The following SP4 variants were observed in gnomAD, a reference collection of about 807,000 sequenced individuals.
SP4 encodes Sp4 transcription factor, also known as transcription factor Sp4.
A neutral mutation model predicts 72.8 loss-of-function variants in SP4; 19 were observed. The ratio of observed to expected loss-of-function variants is 0.26; its 90% CI spans 0.18 to 0.38. The LOEUF is 0.38. SP4 is among the 10% of genes least tolerant of loss of function. SP4 has a pLI of 1.00. For missense variants in SP4, 1,008 were observed against 926.3 expected, an observed-to-expected ratio of 1.09 and a Z score of -1.14; for synonymous variants, 395 against 333.1, an observed-to-expected ratio of 1.19 and a Z score of -2.02.
chr7:21,436,444 T>C (rs1281933191), intron 3 of SP4, among the ~76,000 whole-genome samples: 1 of 152,202 alleles, frequency 6.6e-6, no homozygotes, highest in African/African-American at 2.4e-5. Context: ...TTGGAGATTA[T>C]GGCTCAGCAG....
chr7:21,461,623 C>T (rs1255683085), intron 3 of SP4, among the ~76,000 whole-genome samples: 1 of 152,170 alleles, frequency 6.6e-6, no homozygotes, highest in Non-Finnish European at 1.5e-5. Context: ...ACCCGTGCCT[C>T]TCCCTCCACA....
intron 5 of SP4, among the ~76,000 whole-genome samples, chr7:21,506,947 A>G (rs967301531): frequency 2.0e-5 from 3 of 152,164 alleles, no homozygotes; most frequent in Non-Finnish European, 2.9e-5. Context: ...CCCTGGGATC[A>G]TTATTATCCC....
intron 5 of SP4, among the ~76,000 whole-genome samples, chr7:21,508,416 C>T (rs1782061237): frequency 6.6e-6 from 1 of 152,120 alleles, no homozygotes; most frequent in Non-Finnish European, 1.5e-5. Flanking sequence ...ACCTCCACCC[C>T]GCCTGGTTCA....
intron 3 of SP4, among the ~76,000 whole-genome samples, chr7:21,475,542 T>C (rs1784475572): frequency 6.6e-6 from 1 of 152,134 alleles, no homozygotes; most frequent in African/African-American, 2.4e-5. Context: ...CTGCAAGCTC[T>C]GCCTCCCAGG....
rs6966442 is a variant in SP4 at position 21,506,072 on chromosome 7, G to A, written c.2108-4950G>A. 7.6e-3 allele frequency among the ~76,000 whole-genome samples: 1,152 copies of A among 152,004 alleles called. 6 individuals carry two copies. Among genetic ancestry groups the A allele is most frequent in the Non-Finnish European group, 0.013 (857 of 67,984 alleles). On this transcript the variant is annotated intron_variant, in intron 5 of 5. Coordinates refer to ENST00000222584, the MANE Select transcript of SP4 (RefSeq NM_003112.5). Reference sequence around the variant, plus strand: ...AAACCCAATCTCACAATCAGGTCTCGACACAGGAGGTTAGTTCCTACTTCA... The same window carrying A: ...AAACCCAATCTCACAATCAGGTCTCAACACAGGAGGTTAGTTCCTACTTCA...
At chr7:21,493,948 A>G (rs998084575) in intron 5 of SP4, among the ~76,000 whole-genome samples, 2 of 152,228 alleles carry the variant, frequency 1.3e-5, no homozygotes, top group African/African-American at 2.4e-5. Flanking sequence ...AGGATAATGC[A>G]TTGTTACGTA....
At chr7:21,488,752 A>G (rs1784891800) in intron 5 of SP4, among the ~76,000 whole-genome samples, 1 of 151,780 alleles carries the variant, frequency 6.6e-6, no homozygotes, top group African/African-American at 2.4e-5. Flanking sequence ...GCAATATAAC[A>G]AGACCCCGTC....
intron 5 of SP4, among the ~76,000 whole-genome samples, chr7:21,499,667 C>T (rs1310162727): frequency 6.6e-6 from 1 of 152,158 alleles, no homozygotes; most frequent in East Asian, 1.9e-4. Flanking sequence ...TTAAGCCACC[C>T]AGTTTGTGGT....
chr7:21,487,741 TTGATGA>T (rs201213112), intron 5 of SP4, among the ~76,000 whole-genome samples: 24 of 140,082 alleles, frequency 1.7e-4, no homozygotes, highest in African/African-American at 3.7e-4. Context: ...TTTGTTCAAG[TTGATGA>T]TGATGATGAT....
rs1583369411 is a variant in SP4, at chr7:21,430,718, C to T, written c.1553C>T (p.Ala518Val). 1 of 1,614,170 alleles carries T rather than the reference C, an allele frequency of 6.2e-7. No homozygotes were observed. The highest frequency in any genetic ancestry group is 8.5e-7 in the Non-Finnish European group (1 of 1,180,028). Residue 518 changes from alanine to valine, a missense_variant, in exon 3 of 6, where the codon GCC (alanine) becomes GTC (valine). Physicochemically the swap from Ala to Val is moderately conservative, Grantham distance 64 (BLOSUM62 0). This residue lies in a region of SP4 where 893 missense variants were observed against 743.3 expected (regional missense o/e 1.20). Coordinates refer to ENST00000222584, the MANE Select transcript of SP4 (RefSeq NM_003112.5). ...AQIAPVAVAG[A>V]PITLNTAQLA... ...ATTGCTCCTGTGGCTGTTGCTGGTGCCCCAATAACTTTGAATACTGCCCAG... is the reference window on the plus strand; with the variant it reads ...ATTGCTCCTGTGGCTGTTGCTGGTGTCCCAATAACTTTGAATACTGCCCAG...
At chr7:21,441,398 G>A (rs1385416906) in intron 3 of SP4, among the ~76,000 whole-genome samples, 1 of 152,212 alleles carries the variant, frequency 6.6e-6, no homozygotes, top group Non-Finnish European at 1.5e-5. Context: ...GTCTCACAGA[G>A]TAGCTCAGGG....
At chr7:21,466,718 CAT>C (rs1463649314) in intron 3 of SP4, among the ~76,000 whole-genome samples, 2 of 151,928 alleles carry the variant, frequency 1.3e-5, no homozygotes, top group African/African-American at 2.4e-5. Context: ...TACAGGAAAA[CAT>C]GTCATTGAAG....
chr7:21,501,093 C>T lies in SP4; in HGVS notation c.2108-9929C>T, dbSNP rs533253498. 4.6e-5 allele frequency among the ~76,000 whole-genome samples: 7 copies of T among 152,272 alleles called. 1 individual carries two copies. Among genetic ancestry groups the T allele is most frequent in the South Asian group, 4.2e-4 (2 of 4,816 alleles). ...GAGTATTACAGGGTTACAATCTTCC[C>T]GGACATCATCCAAGTTTCATTATCC... is the stretch of plus-strand genomic sequence containing the variant. On this transcript the variant is annotated intron_variant, in intron 5 of 5. Coordinates refer to ENST00000222584, the MANE Select transcript of SP4 (RefSeq NM_003112.5).
At chr7:21,434,303 C>G (rs1398831660) in intron 3 of SP4, among the ~76,000 whole-genome samples, 1 of 152,156 alleles carries the variant, frequency 6.6e-6, no homozygotes, top group Non-Finnish European at 1.5e-5. Context: ...TAAGGGAAGT[C>G]TAGATGACAT....
At chr7:21,435,945 C>T (rs988907103) in intron 3 of SP4, among the ~76,000 whole-genome samples, 2 of 152,012 alleles carry the variant, frequency 1.3e-5, no homozygotes, top group Non-Finnish European at 2.9e-5. Flanking sequence ...TTCTGTCGCC[C>T]AGGCTGGAGT....
chr7:21,496,191 C>T (rs1781700435), intron 5 of SP4, among the ~76,000 whole-genome samples: 1 of 152,046 alleles, frequency 6.6e-6, no homozygotes, highest in South Asian at 2.1e-4. Flanking sequence ...GATTATGTGA[C>T]TGAATGCATT....
chr7:21,433,997 C>G (rs1782963232), intron 3 of SP4, among the ~76,000 whole-genome samples: 1 of 152,116 alleles, frequency 6.6e-6, no homozygotes, highest in Non-Finnish European at 1.5e-5. Context: ...AGGAACTTTT[C>G]TGTCTTGACA....
At chr7:21,506,421 T>C (rs773086641) in intron 5 of SP4, among the ~76,000 whole-genome samples, 1 of 152,170 alleles carries the variant, frequency 6.6e-6, no homozygotes, top group Non-Finnish European at 1.5e-5. Flanking sequence ...CATCCTCTCT[T>C]CAAATGCCCT....
At chr7:21,482,161 C>T in intron 5 of SP4, 38 bp downstream of exon 5, 1 of 1,523,156 alleles carries the variant, frequency 6.6e-7, no homozygotes. Flanking sequence ...TTACTTATTT[C>T]TTCAGTTTTT....
Sources: allele counts gnomAD v4.1 joint callset (sites outside exome capture counted in the v4.1 genomes callset), GRCh38; gene constraint gnomAD v4.1.1; regional missense constraint gnomAD v4.1.1; transcripts MANE v1.5; gene names NCBI Gene and HGNC (gene_info 2026-07-23, HGNC 2026-07-21).